KLHL3: variants seen among roughly 807,000 people sequenced by gnomAD.
KLHL3 encodes the protein kelch-like protein 3.
A neutral mutation model predicts 70.5 loss-of-function variants in KLHL3; 19 were observed. The observed-to-expected ratio is 0.27, with a 90% confidence interval of 0.19 to 0.40. The LOEUF (loss-of-function observed/expected upper bound fraction) is 0.40. KLHL3 is among the 10% of genes least tolerant of loss of function. The probability of loss-of-function intolerance (pLI) is 1.00; values close to 1 mark genes in which losing one functional copy is unlikely to be tolerated. For synonymous variants in KLHL3, 258 were observed against 290.3 expected (o/e 0.89, Z 1.13); for missense variants, 512 against 771.1 (o/e 0.66, Z 3.98).
At chr5:137,652,639 ATGG>A (rs1751230812) in intron 8 of KLHL3, among the ~76,000 whole-genome samples, 1 of 152,224 alleles carries the variant, frequency 6.6e-6, no homozygotes, top group South Asian at 2.1e-4. Context: ...AGAGAATAGA[ATGG>A]TGGTTACCAA....
chr5:137,631,089 A>AAAAAAAAAAAG (rs1554090059), intron 12 of KLHL3, among the ~76,000 whole-genome samples: 8 of 141,906 alleles, frequency 5.6e-5, no homozygotes, highest in African/African-American at 2.3e-4. Context: ...AAAAAAAAAA[A>AAAAAAAAAAAG]AGAGAGAGAG....
intron 4 of KLHL3, among the ~76,000 whole-genome samples, chr5:137,695,270 A>G (rs1187612105): frequency 6.6e-6 from 1 of 152,208 alleles, no homozygotes; most frequent in Non-Finnish European, 1.5e-5. Flanking sequence ...CCCACTTAGT[A>G]GGCAAAAATT....
intron 5 of KLHL3, among the ~76,000 whole-genome samples, chr5:137,685,590 G>A (rs540488741): frequency 2.0e-5 from 3 of 152,160 alleles, no homozygotes; most frequent in Non-Finnish European, 4.4e-5. Context: ...AGTATAAATT[G>A]CTTTTATTGA....
At chr5:137,650,667 A>G (rs991888941) in intron 8 of KLHL3, among the ~76,000 whole-genome samples, 1 of 152,076 alleles carries the variant, frequency 6.6e-6, no homozygotes, top group Non-Finnish European at 1.5e-5. Flanking sequence ...TAAAAATACA[A>G]AAAACGTAGC....
At chr5:137,628,192 G>T in intron 13 of KLHL3, 105 bp downstream of exon 13, 1 of 1,395,402 alleles carries the variant, frequency 7.2e-7, no homozygotes, top group Non-Finnish European at 1.0e-6. Context: ...CAGGATATAC[G>T]CTCAGCTCCA....
chr5:137,631,004 A>G (rs1750620978), intron 12 of KLHL3, among the ~76,000 whole-genome samples: 1 of 151,144 alleles, frequency 6.6e-6, no homozygotes, highest in African/African-American at 2.4e-5. Flanking sequence ...TTTTTAAAGA[A>G]TGATGAGGAA....
Position 137,634,094 on chromosome 5 carries a change from G to C in KLHL3, c.1393C>G (p.Pro465Ala). Residue 465 changes from proline to alanine, a missense_variant, in exon 12 of 15, where the codon CCA becomes GCA. Physicochemically the swap from Pro to Ala is conservative, Grantham distance 27 (BLOSUM62 -1). Transcript: ENST00000309755. ...ACGTATATCCATTCATTGGTCGCTGGGTTGTACTGCTCCACAGTGCTCAGA... is the reference window on the plus strand; with the variant it reads ...ACGTATATCCATTCATTGGTCGCTGCGTTGTACTGCTCCACAGTGCTCAGA... The part of the protein sequence containing the change: ...QCLSTVEQYN[P>A]ATNEWIYVAD... 2.5e-6 allele frequency: 4 copies of C among 1,614,182 alleles called. No homozygotes were observed. Among genetic ancestry groups the C allele is most frequent in the Non-Finnish European group, 3.4e-6 (4 of 1,180,028 alleles).
chr5:137,657,649 G>C (rs1382912548), intron 8 of KLHL3, among the ~76,000 whole-genome samples: 6 of 152,018 alleles, frequency 3.9e-5, no homozygotes, highest in African/African-American at 1.5e-4. Flanking sequence ...ATTTGACAGG[G>C]TCCCTTTTCT....
At chr5:137,706,710 T>A (rs550059779) in intron 3 of KLHL3, among the ~76,000 whole-genome samples, 1 of 152,226 alleles carries the variant, frequency 6.6e-6, no homozygotes, top group African/African-American at 2.4e-5. Context: ...TGGAATCTTA[T>A]GAAGGCATTA....
chr5:137,736,025 T>TCC lies in KLHL3; in HGVS notation c.-381_-380dup, dbSNP rs1753256063. 1 of 363,654 alleles carries TCC rather than the reference T, an allele frequency of 2.7e-6. No homozygotes were observed. The highest frequency in any genetic ancestry group is 3.7e-5 in the Admixed American group (1 of 27,004). The allele number at this position is 363,654 out of a possible 1,614,324, so 22.5% of individuals were successfully genotyped here. A position where few individuals can be genotyped will look rare whatever the true frequency, so the allele number is the denominator to read the frequency against. ...AGCTTCCTCTGCATCTGCCCAGGCATCCCCAGCCCAGGCGATTAGCCCGCC... is the reference window on the plus strand; with the variant it reads ...AGCTTCCTCTGCATCTGCCCAGGCATCCCCCCAGCCCAGGCGATTAGCCCGCC... On this transcript the variant is annotated 5_prime_UTR_variant, in exon 1 of 15. Transcript: ENST00000309755.
In KLHL3 at chr5:137,633,897, G is replaced by A. The variant is rs549780822; in HGVS notation, c.1450+140C>T. The A allele has an allele frequency of 3.6e-6, 4 of 1,116,716 alleles. No homozygotes were observed. The South Asian group carries it at 5.6e-5, about 16-fold the overall frequency. The allele number at this position is 1,116,716 out of a possible 1,614,324, so 69.2% of individuals were successfully genotyped here. ...TATTTGCGTGATGGGTACACTAGAA[G>A]CCCAAACTCGACCATTATGCAATAT... is the stretch of plus-strand genomic sequence containing the variant. On this transcript the variant is annotated intron_variant, in intron 12 of 14. Transcript: ENST00000309755.
At chr5:137,682,403 TAGAGAGAG>T (rs10578622) in intron 5 of KLHL3, among the ~76,000 whole-genome samples, 62 of 133,382 alleles carry the variant, frequency 4.6e-4, no homozygotes, top group East Asian at 1.7e-3. Flanking sequence ...GTGCTGGACA[TAGAGAGAG>T]AGAGAGAGAG....
chr5:137,707,562 T>C (rs1381658675), intron 3 of KLHL3: 1 of 154,420 alleles, frequency 6.5e-6, no homozygotes, highest in Non-Finnish European at 1.5e-5. Context: ...GATGTTGTAG[T>C]ACACGTAATT....
chr5:137,637,889 C>T (rs1750810203), intron 10 of KLHL3, among the ~76,000 whole-genome samples: 1 of 152,182 alleles, frequency 6.6e-6, no homozygotes, highest in Non-Finnish European at 1.5e-5. Flanking sequence ...AATATAGATA[C>T]CATTCCCCTT....
intron 5 of KLHL3, among the ~76,000 whole-genome samples, chr5:137,690,885 G>A (rs977879320): frequency 3.3e-5 from 5 of 152,176 alleles, no homozygotes; most frequent in African/African-American, 1.2e-4. Flanking sequence ...GCTTGAGCAG[G>A]GGTAAGAAGG....
At chr5:137,720,882 T>G (rs546710643) in intron 1 of KLHL3, 472 of 1,165,530 alleles carry the variant, frequency 4.0e-4, no homozygotes, top group Non-Finnish European at 4.8e-4. Flanking sequence ...GACTAAGCAC[T>G]CTATCACTCA....
chr5:137,653,086 CA>C (rs879897866), intron 8 of KLHL3: 476 of 130,954 alleles, frequency 3.6e-3, no homozygotes, highest in Middle Eastern at 3.9e-3. Flanking sequence ...ACTAAAAATA[CA>C]AAAAAAAAAA....
At chr5:137,626,892 T>C (rs986673544) in intron 13 of KLHL3, among the ~76,000 whole-genome samples, 2 of 152,026 alleles carry the variant, frequency 1.3e-5, no homozygotes, top group African/African-American at 4.8e-5. Context: ...TGGTCCCACC[T>C]ACTCAGGAGG....
intron 8 of KLHL3, among the ~76,000 whole-genome samples, chr5:137,656,385 T>C (rs930005553): frequency 3.9e-5 from 6 of 152,144 alleles, no homozygotes; most frequent in Admixed American, 1.3e-4. Context: ...GGGGGAAAAA[T>C]AGTTCAATCT....
Sources: gnomAD v4.1 joint callset for allele counts (sites outside exome capture counted in the v4.1 genomes callset) on GRCh38, gnomAD v4.1.1 for gene constraint, MANE v1.5 for transcripts, NCBI Gene and HGNC (gene_info 2026-07-23, HGNC 2026-07-21) for gene names.